Variants in C7 observed in about 807,000 individuals in gnomAD.
C7 encodes the protein complement C7.
C7 carries 83 observed loss-of-function variants against 104.8 expected under a neutral mutation model. That is an observed-to-expected ratio of 0.79 (90% confidence interval 0.66 to 0.95). The LOEUF is 0.95. C7 is among the 40% of genes least tolerant of loss of function. The pLI is 0.00. For synonymous variants in C7, 415 were observed against 360.6 expected (o/e 1.15, Z -1.71); for missense variants, 1,070 against 1,011.2 (o/e 1.06, Z -0.79).
intron 6 of C7, 130 bp downstream of exon 6, chr5:40,937,820 T>C (rs958991311): frequency 1.1e-4 from 89 of 791,884 alleles, no homozygotes; most frequent in Middle Eastern, 1.1e-3. Flanking sequence ...AAATGTTTTA[T>C]GTTGACTTAA....
intron 14 of C7, among the ~76,000 whole-genome samples, chr5:40,969,533 A>T (rs1740644985): frequency 6.6e-6 from 1 of 152,180 alleles, no homozygotes; most frequent in Admixed American, 6.5e-5. Context: ...GAGAAGACTA[A>T]CTTTTGTTTA....
chr5:40,931,205 G>A (rs566167371), intron 3 of C7, 66 bp downstream of exon 3: 11 of 1,173,158 alleles, frequency 9.4e-6, no homozygotes, highest in Admixed American at 1.8e-5. Context: ...GGCCAAAATG[G>A]TATTAACTTT....
intron 1 of C7, among the ~76,000 whole-genome samples, chr5:40,916,451 T>C (rs1739318691): frequency 6.6e-6 from 1 of 152,216 alleles, no homozygotes; most frequent in Admixed American, 6.5e-5. Context: ...GGTTTCTTTT[T>C]AAAATCAGCC....
chr5:40,923,795 A>G (rs991122324), intron 1 of C7, among the ~76,000 whole-genome samples: 4 of 152,014 alleles, frequency 2.6e-5, no homozygotes, highest in Admixed American at 6.6e-5. Flanking sequence ...GCACTTTAAA[A>G]CAATCAGATC....
At chr5:40,945,691 C>A (rs928361754) in intron 7 of C7, among the ~76,000 whole-genome samples, 2 of 151,606 alleles carry the variant, frequency 1.3e-5, no homozygotes, top group African/African-American at 4.8e-5. Context: ...ATAGCAAGAC[C>A]CTGTCTCTAT....
At chr5:40,937,488 A>T (rs561603976) in intron 5 of C7, 64 bp from the exon 6 acceptor site, 2 of 1,522,686 alleles carry the variant, frequency 1.3e-6, no homozygotes, top group Admixed American at 4.3e-5. Flanking sequence ...TTTCCCCACC[A>T]AGTGCTATTT....
chr5:40,975,185 C>T (rs1380641578), intron 15 of C7, among the ~76,000 whole-genome samples: 1 of 152,122 alleles, frequency 6.6e-6, no homozygotes, highest in South Asian at 2.1e-4. Flanking sequence ...TTAATATTAA[C>T]ATCTTACATA....
intron 1 of C7, among the ~76,000 whole-genome samples, chr5:40,917,918 CAAAAAAATATA>C (rs1230976459): frequency 6.6e-6 from 1 of 151,808 alleles, no homozygotes; most frequent in Non-Finnish European, 1.5e-5. Flanking sequence ...ATTCTGACAT[CAAAAAAATATA>C]AACTGTTTGA....
chr5:40,942,658 C>T (rs1739963963), intron 6 of C7, among the ~76,000 whole-genome samples: 2 of 151,884 alleles, frequency 1.3e-5, no homozygotes, highest in African/African-American at 4.8e-5. Flanking sequence ...AGGGAACTGA[C>T]TAGAGAAATA....
In C7 at chr5:40,972,415, T is replaced by C. The variant is rs534452892; in HGVS notation, c.1895T>C (p.Val632Ala). The part of the protein sequence containing the change: ...GEMHCQKIAC[V>A]LPVLMDGIQS... ...CTTTTATCTTTAGAAATTGCCTGTG[T>C]TCTACCTGTACTGATGGATGGCATA... The change falls in exon 15 of 18, where the codon GTT (valine) becomes GCT (alanine). Residue 632 changes from valine to alanine, a missense_variant. Physicochemically the swap from Val to Ala is moderately conservative, Grantham distance 64 (BLOSUM62 0). Coordinates refer to ENST00000313164, the MANE Select transcript of C7 (RefSeq NM_000587.4). 73 of 1,613,828 alleles carry C rather than the reference T, an allele frequency of 4.5e-5. No homozygotes were observed. In the Middle Eastern group the frequency reaches 9.9e-4, roughly 22 times the overall value.
At chr5:40,926,562 T>A (rs1739558515) in intron 1 of C7, among the ~76,000 whole-genome samples, 1 of 152,168 alleles carries the variant, frequency 6.6e-6, no homozygotes, top group African/African-American at 2.4e-5. Flanking sequence ...AAATGAATAC[T>A]GTAAAATTGT....
chr5:40,935,210 T>C (rs1739787250), intron 4 of C7, among the ~76,000 whole-genome samples: 1 of 152,206 alleles, frequency 6.6e-6, no homozygotes. Context: ...CTGATAGAAG[T>C]AATTAAGCAA....
At chr5:40,951,112 G>A (rs1252112298) in intron 9 of C7, among the ~76,000 whole-genome samples, 5 of 152,186 alleles carry the variant, frequency 3.3e-5, no homozygotes, top group African/African-American at 9.7e-5. Flanking sequence ...GAGGTCAACA[G>A]AGTGAAGATA....
chr5:40,970,930 C>A (rs949839732), intron 14 of C7, among the ~76,000 whole-genome samples: 3 of 151,178 alleles, frequency 2.0e-5, no homozygotes, highest in Non-Finnish European at 4.4e-5. Context: ...GGACATTAAC[C>A]CGTTATAGTA....
intron 1 of C7, among the ~76,000 whole-genome samples, chr5:40,915,115 C>T (rs144958875): frequency 2.6e-5 from 4 of 152,262 alleles, no homozygotes; most frequent in Non-Finnish European, 5.9e-5. Context: ...TGCCAGAGTA[C>T]AGTGGCTACA....
At chr5:40,969,406 GT>G (rs201329000) in intron 14 of C7, among the ~76,000 whole-genome samples, 28 of 149,502 alleles carry the variant, frequency 1.9e-4, no homozygotes, top group African/African-American at 6.1e-4. Flanking sequence ...TGTTTCTATT[GT>G]TTTTTTTGGT....
intron 6 of C7, among the ~76,000 whole-genome samples, chr5:40,941,679 T>C (rs1235488377): frequency 6.6e-6 from 1 of 151,608 alleles, no homozygotes; most frequent in Admixed American, 6.6e-5. Context: ...GAATGCGGGG[T>C]ATGATGGAGA....
chr5:40,921,577 T>A (rs1305304896), intron 1 of C7, among the ~76,000 whole-genome samples: 2 of 148,204 alleles, frequency 1.3e-5, no homozygotes, highest in African/African-American at 5.1e-5. Flanking sequence ...CAAAAGTAGA[T>A]TATTAAAAAA....
At chr5:40,928,322 C>A (rs1237207177) in intron 1 of C7, among the ~76,000 whole-genome samples, 3 of 151,964 alleles carry the variant, frequency 2.0e-5, no homozygotes, top group Non-Finnish European at 4.4e-5. Context: ...TATTGTACAG[C>A]GTGGTGAATA....
Sources: allele counts gnomAD v4.1 joint callset (sites outside exome capture counted in the v4.1 genomes callset), GRCh38; gene constraint gnomAD v4.1.1; transcripts MANE v1.5; gene names NCBI Gene and HGNC (gene_info 2026-07-23, HGNC 2026-07-21).